PTPRD: variants seen among roughly 807,000 people sequenced by gnomAD.
PTPRD encodes receptor-type tyrosine-protein phosphatase delta.
PTPRD carries 34 observed loss-of-function variants against 214.5 expected under a neutral mutation model. The observed-to-expected ratio is 0.16, with a 90% CI of 0.12 to 0.21. The LOEUF (loss-of-function observed/expected upper bound fraction) is 0.21, where lower values mean the gene tolerates loss of function less well. Among genes scored for constraint, PTPRD ranks in the 10% least tolerant of loss-of-function variants. The pLI is 1.00. For synonymous variants in PTPRD, 1,128 were observed against 845.7 expected (o/e 1.33, Z -5.79); for missense variants, 2,545 against 2,398.7 (o/e 1.06, Z -1.27).
At chr9:8,468,882 G>A (rs1348657141) in intron 31 of PTPRD, among the ~76,000 whole-genome samples, 2 of 149,972 alleles carry the variant, frequency 1.3e-5, no homozygotes, top group Non-Finnish European at 3.0e-5. Context: ...ACTTTCATTT[G>A]TTCCCCTCCA....
chr9:9,104,280 C>T (rs1333935840), intron 10 of PTPRD, among the ~76,000 whole-genome samples: 1 of 152,052 alleles, frequency 6.6e-6, no homozygotes, highest in Non-Finnish European at 1.5e-5. Context: ...ATTCAAAATT[C>T]ATGTAATTAT....
chr9:9,704,407 C>T (rs112965146), intron 7 of PTPRD, among the ~76,000 whole-genome samples: 48 of 152,188 alleles, frequency 3.2e-4, no homozygotes, highest in African/African-American at 1.1e-3. Context: ...CTAGCTAAGG[C>T]AAATCAGAAG....
intron 8 of PTPRD, among the ~76,000 whole-genome samples, chr9:9,543,654 A>T (rs527795041): frequency 6.6e-6 from 1 of 151,688 alleles, no homozygotes; most frequent in South Asian, 2.1e-4. Flanking sequence ...TGTCACAGAT[A>T]AGCCTAGGAT....
At chr9:9,827,351 C>T (rs939389573) in intron 5 of PTPRD, among the ~76,000 whole-genome samples, 16 of 152,120 alleles carry the variant, frequency 1.1e-4, no homozygotes, top group African/African-American at 2.7e-4. Flanking sequence ...GAAATAATGC[C>T]GCATATCTAC....
At chr9:8,586,892 A>G (rs1480725864) in intron 14 of PTPRD, among the ~76,000 whole-genome samples, 1 of 152,246 alleles carries the variant, frequency 6.6e-6, no homozygotes, top group Non-Finnish European at 1.5e-5. Flanking sequence ...TCAGGCCTGT[A>G]ATCCCAGCAC....
chr9:10,293,825 G>A, intron 3 of PTPRD, among the ~76,000 whole-genome samples: 1 of 151,940 alleles, frequency 6.6e-6, no homozygotes, highest in Admixed American at 6.6e-5. Context: ...AGACACCAAG[G>A]TGAGACATGG....
chr9:8,789,449 T>C (rs566461606), intron 11 of PTPRD, among the ~76,000 whole-genome samples: 2 of 152,170 alleles, frequency 1.3e-5, no homozygotes, highest in African/African-American at 4.8e-5. Flanking sequence ...AATGTATGAA[T>C]TGATGTACAC....
intron 11 of PTPRD, among the ~76,000 whole-genome samples, chr9:8,905,529 A>T (rs1173075916): frequency 1.3e-5 from 2 of 152,032 alleles, no homozygotes; most frequent in Non-Finnish European, 2.9e-5. Context: ...ACCTGAGGTC[A>T]GGCATTCAAG....
At chr9:8,809,083 T>G (rs1221196228) in intron 11 of PTPRD, among the ~76,000 whole-genome samples, 1 of 152,150 alleles carries the variant, frequency 6.6e-6, no homozygotes, top group Admixed American at 6.6e-5. Flanking sequence ...GTCACCAAGC[T>G]AGTTGTTACA....
At chr9:9,936,776 G>C in intron 5 of PTPRD, among the ~76,000 whole-genome samples, 1 of 140,174 alleles carries the variant, frequency 7.1e-6, no homozygotes. Flanking sequence ...ACATGCACCC[G>C]TATGTTTATT....
chr9:8,940,280 C>CT (rs34342718), intron 11 of PTPRD, among the ~76,000 whole-genome samples: 1 of 89,050 alleles, frequency 1.1e-5, no homozygotes, highest in Non-Finnish European at 2.1e-5. Flanking sequence ...TCTCTCTCTC[C>CT]TTTTTTTTTT....
chr9:10,383,738 G>T (rs772367952), intron 2 of PTPRD, among the ~76,000 whole-genome samples: 1 of 151,572 alleles, frequency 6.6e-6, no homozygotes, highest in Non-Finnish European at 1.5e-5. Flanking sequence ...TTGGGTCATC[G>T]TCATCCTATA....
chr9:8,444,618 T>A (rs945704582), intron 34 of PTPRD, among the ~76,000 whole-genome samples: 4 of 152,140 alleles, frequency 2.6e-5, no homozygotes, highest in African/African-American at 9.6e-5. Flanking sequence ...TCCCACCATA[T>A]AATTATAAAA....
chr9:9,646,229 G>A (rs2096159564), intron 7 of PTPRD, among the ~76,000 whole-genome samples: 1 of 151,784 alleles, frequency 6.6e-6, no homozygotes, highest in African/African-American at 2.4e-5. Flanking sequence ...TTGTTATCTT[G>A]CCTCTGCTCT....
chr9:9,420,603 A>G (rs1033127034), intron 8 of PTPRD, among the ~76,000 whole-genome samples: 27 of 151,958 alleles, frequency 1.8e-4, no homozygotes, highest in African/African-American at 6.5e-4. Flanking sequence ...ATGTGTGTGC[A>G]CTGAATGTTT....
chr9:8,495,842 G>C (rs1174818205), intron 26 of PTPRD, among the ~76,000 whole-genome samples: 1 of 152,150 alleles, frequency 6.6e-6, no homozygotes, highest in African/African-American at 2.4e-5. Flanking sequence ...ATGTGCATTG[G>C]CAGTAAATAT....
At chr9:10,584,281 T>A (rs2073159060) in intron 2 of PTPRD, among the ~76,000 whole-genome samples, 1 of 152,308 alleles carries the variant, frequency 6.6e-6, no homozygotes, top group South Asian at 2.1e-4. Flanking sequence ...ATTTGGCTCC[T>A]ATCCCAACAT....
intron 3 of PTPRD, among the ~76,000 whole-genome samples, chr9:10,302,152 T>A (rs2095879981): frequency 6.6e-6 from 1 of 152,166 alleles, no homozygotes; most frequent in African/African-American, 2.4e-5. Flanking sequence ...CAGAATTTCT[T>A]ATCCAGCCAA....
intron 8 of PTPRD, among the ~76,000 whole-genome samples, chr9:9,567,259 G>C (rs921004961): frequency 1.3e-5 from 2 of 151,808 alleles, no homozygotes; most frequent in Non-Finnish European, 2.9e-5. Context: ...TTGTGGGTGG[G>C]AGGTTCTGCT....
Sources: gnomAD v4.1 joint callset for allele counts (sites outside exome capture counted in the v4.1 genomes callset) on GRCh38, gnomAD v4.1.1 for gene constraint, MANE v1.5 for transcripts, NCBI Gene and HGNC (gene_info 2026-07-23, HGNC 2026-07-21) for gene names.